Variants in ADAMTSL3 observed in about 807,000 individuals in gnomAD.
ADAMTSL3 encodes the protein ADAMTS-like protein 3.
Under a neutral mutation model 201.7 loss-of-function variants are expected in ADAMTSL3, and 128 were observed. That is an observed-to-expected ratio of 0.63 (90% CI 0.55 to 0.73). The LOEUF (loss-of-function observed/expected upper bound fraction) is 0.73, where lower values mean the gene tolerates loss of function less well. Ranked by LOEUF, ADAMTSL3 falls within the 30% of genes least tolerant of loss-of-function variation. ADAMTSL3 has a pLI of 0.00. For missense variants in ADAMTSL3, 1,990 were observed against 2,119.6 expected, an observed-to-expected ratio of 0.94 and a Z score of 1.20; for synonymous variants, 738 against 748.4, an observed-to-expected ratio of 0.99 and a Z score of 0.23.
chr15:83,965,031 A>G (rs1443073828), intron 19 of ADAMTSL3, among the ~76,000 whole-genome samples: 1 of 152,206 alleles, frequency 6.6e-6, no homozygotes, highest in Non-Finnish European at 1.5e-5. Context: ...AGCACTAAAC[A>G]TGGAAAGGAA....
chr15:83,902,673 C>T (rs1487274427), intron 15 of ADAMTSL3, among the ~76,000 whole-genome samples: 2 of 152,110 alleles, frequency 1.3e-5, no homozygotes, highest in Admixed American at 1.3e-4. Flanking sequence ...CAGGGTATTA[C>T]CTTTCCTGGT....
intron 2 of ADAMTSL3, among the ~76,000 whole-genome samples, chr15:83,678,422 TCCC>T (rs112707955): frequency 6.6e-6 from 1 of 151,182 alleles, no homozygotes; most frequent in Non-Finnish European, 1.5e-5. Flanking sequence ...GGCTAAGAGT[TCCC>T]CTCTCTTTTT....
At chr15:83,758,185 G>A (rs1176839978) in intron 3 of ADAMTSL3, among the ~76,000 whole-genome samples, 1 of 152,148 alleles carries the variant, frequency 6.6e-6, no homozygotes, top group East Asian at 1.9e-4. Flanking sequence ...TTTTCATGCT[G>A]CTGATAAAGA....
At chr15:83,889,875 A>G (rs972925642) in intron 10 of ADAMTSL3, among the ~76,000 whole-genome samples, 1 of 152,202 alleles carries the variant, frequency 6.6e-6, no homozygotes, top group Non-Finnish European at 1.5e-5. Context: ...TTTTAAAAAG[A>G]TACTGTTTTC....
At chr15:83,704,916 T>G (rs1023344616) in intron 3 of ADAMTSL3, among the ~76,000 whole-genome samples, 1 of 152,142 alleles carries the variant, frequency 6.6e-6, no homozygotes, top group African/African-American at 2.4e-5. Flanking sequence ...CCAAGATTAC[T>G]TTTCAGAAAG....
chr15:83,708,995 A>T (rs2061895476), intron 3 of ADAMTSL3, among the ~76,000 whole-genome samples: 1 of 152,212 alleles, frequency 6.6e-6, no homozygotes, highest in African/African-American at 2.4e-5. Flanking sequence ...AGATATATCC[A>T]GGAGCTTCTC....
chr15:83,744,094 C>T (rs2062503702), intron 3 of ADAMTSL3, among the ~76,000 whole-genome samples: 1 of 152,120 alleles, frequency 6.6e-6, no homozygotes, highest in African/African-American at 2.4e-5. Context: ...TCGTGATCTG[C>T]CTGCCTCGGC....
chr15:83,810,662 C>T (rs939054569), intron 5 of ADAMTSL3, among the ~76,000 whole-genome samples: 11 of 152,324 alleles, frequency 7.2e-5, no homozygotes, highest in African/African-American at 2.6e-4. Context: ...CTAGAGGCCA[C>T]CCATATTCCT....
chr15:83,668,037 T>G (rs1386789674), intron 2 of ADAMTSL3, among the ~76,000 whole-genome samples: 3 of 152,156 alleles, frequency 2.0e-5, no homozygotes, highest in Non-Finnish European at 4.4e-5. Flanking sequence ...TAGGGACTAC[T>G]CTATTCATTT....
intron 5 of ADAMTSL3, among the ~76,000 whole-genome samples, chr15:83,815,570 A>T (rs1308960965): frequency 6.6e-6 from 1 of 152,258 alleles, no homozygotes; most frequent in East Asian, 1.9e-4. Flanking sequence ...TGTCAAATAG[A>T]CTGTTTAAGA....
At chr15:84,012,764 GGAT>G (rs2068027465) in intron 23 of ADAMTSL3, among the ~76,000 whole-genome samples, 1 of 152,144 alleles carries the variant, frequency 6.6e-6, no homozygotes, top group African/African-American at 2.4e-5. Flanking sequence ...TACCATACTT[GGAT>G]CATACAAAGC....
intron 15 of ADAMTSL3, among the ~76,000 whole-genome samples, chr15:83,907,397 G>C (rs993375821): frequency 2.6e-5 from 4 of 152,026 alleles, no homozygotes; most frequent in African/African-American, 9.7e-5. Context: ...TTGTTTTGTT[G>C]TTGTTGTTGA....
intron 10 of ADAMTSL3, 109 bp from the exon 11 acceptor site, chr15:83,890,000 G>A (rs545972046): frequency 1.4e-4 from 174 of 1,214,294 alleles, no homozygotes; most frequent in South Asian, 3.0e-4. Flanking sequence ...GAGAACCACT[G>A]AGTTAAGTTT....
intron 3 of ADAMTSL3, among the ~76,000 whole-genome samples, chr15:83,721,795 C>T (rs1423708384): frequency 4.6e-5 from 7 of 152,068 alleles, no homozygotes; most frequent in East Asian, 1.9e-4. Context: ...TGCAGTGGCT[C>T]GATCTTGGCT....
intron 23 of ADAMTSL3, among the ~76,000 whole-genome samples, chr15:83,996,555 G>A (rs1307116527): frequency 6.6e-6 from 1 of 152,078 alleles, no homozygotes; most frequent in Non-Finnish European, 1.5e-5. Context: ...GCCGAGGCAG[G>A]CAGATCATGA....
chr15:83,717,370 G>A (rs1242281002), intron 3 of ADAMTSL3: 1 of 152,180 alleles, frequency 6.6e-6, no homozygotes, highest in African/African-American at 2.4e-5. Context: ...GCATGTATAA[G>A]AACTGTATGA....
At chr15:84,031,302 G>A (rs1287622619) in intron 27 of ADAMTSL3, 33 bp from the exon 28 acceptor site, 1 of 1,604,554 alleles carries the variant, frequency 6.2e-7, no homozygotes, top group East Asian at 2.2e-5. Context: ...TGAGCTTGCA[G>A]GATTTACACT....
In ADAMTSL3 at chr15:83,988,709, TG is replaced by T; in HGVS notation, c.3738del (p.Lys1247ArgfsTer19). On this transcript the variant is annotated frameshift_variant, in exon 22 of 30. Coordinates refer to ENST00000286744, the MANE Select transcript of ADAMTSL3 (RefSeq NM_207517.3). LOFTEE classifies it high-confidence loss of function. ...TCTACAGAATAATTTTGGATGGAAC[TG>T]GGAAGATACAGATACAGAATCCTAC... The part of the protein sequence containing the change: ...PSVKIILDGT[G>X]KIQIQNPTRK... 1 of 1,606,060 alleles carries T rather than the reference TG, an allele frequency of 6.2e-7. No individual in the cohort carries two copies. Among genetic ancestry groups the T allele is most frequent in the Non-Finnish European group, 8.5e-7 (1 of 1,175,572 alleles).
intron 5 of ADAMTSL3, among the ~76,000 whole-genome samples, chr15:83,807,933 A>G (rs1462983708): frequency 6.6e-6 from 1 of 152,244 alleles, no homozygotes; most frequent in Non-Finnish European, 1.5e-5. Flanking sequence ...TTGGATATCT[A>G]TATGCAGAAG....
Sources: allele counts gnomAD v4.1 joint callset (sites outside exome capture counted in the v4.1 genomes callset), GRCh38; gene constraint gnomAD v4.1.1; transcripts MANE v1.5; gene names NCBI Gene and HGNC (gene_info 2026-07-23, HGNC 2026-07-21).